Variants in CTR9 observed in about 807,000 individuals in gnomAD.
CTR9 encodes the protein RNA polymerase-associated protein CTR9 homolog.
CTR9 carries 41 observed loss-of-function variants against 152.1 expected under a neutral mutation model. The ratio of observed to expected loss-of-function variants is 0.27; its 90% CI spans 0.21 to 0.35. The LOEUF (loss-of-function observed/expected upper bound fraction) is 0.35, where lower values mean the gene tolerates loss of function less well. Among genes scored for constraint, CTR9 ranks in the 10% least tolerant of loss-of-function variants. CTR9 has a pLI of 1.00. For synonymous variants in CTR9, 476 were observed against 496.2 expected (o/e 0.96, Z 0.54); for missense variants, 917 against 1,424.4 (o/e 0.64, Z 5.73).
rs374641645 is a variant in CTR9 at position 10,775,640 on chromosome 11, T to G, written c.3095+7T>G. The G allele has an allele frequency of 7.0e-6, 11 of 1,566,736 alleles. No individual in the cohort carries two copies. In the African/African-American group the frequency reaches 1.1e-4, roughly 15 times the overall value. ...TTAAAATTGCTGATGAAGGGTAGGATATTTTCTCTTTGTAAATTCTTCTCA... is the reference window on the plus strand; with the variant it reads ...TTAAAATTGCTGATGAAGGGTAGGAGATTTTCTCTTTGTAAATTCTTCTCA... On this transcript the variant is annotated splice_region_variant and intron_variant, in intron 24 of 24. Coordinates refer to ENST00000361367, the MANE Select transcript of CTR9 (RefSeq NM_014633.5).
chr11:10,772,884 A>G (rs1863166636), intron 20 of CTR9, among the ~76,000 whole-genome samples: 1 of 152,146 alleles, frequency 6.6e-6, no homozygotes, highest in South Asian at 2.1e-4. Flanking sequence ...AAAATTAGCC[A>G]GGAGTGGTGG....
intron 12 of CTR9, 75 bp from the exon 13 acceptor site, chr11:10,766,327 C>A: frequency 8.3e-7 from 1 of 1,209,532 alleles, no homozygotes; most frequent in Non-Finnish European, 1.2e-6. Flanking sequence ...AAAATTGTTT[C>A]AAAAGTATGA....
chr11:10,752,017 A>G (rs1862811079), intron 1 of CTR9, among the ~76,000 whole-genome samples: 1 of 152,106 alleles, frequency 6.6e-6, no homozygotes. Flanking sequence ...CCTATGTCTC[A>G]TTCATGGGTG....
chr11:10,776,971 GAAAAAAAAA>G (rs11326865), intron 24 of CTR9, among the ~76,000 whole-genome samples: 3 of 63,236 alleles, frequency 4.7e-5, no homozygotes, highest in African/African-American at 1.7e-4. Context: ...AGACTCTTGT[GAAAAAAAAA>G]AAAAAAAAAA....
At position 10,763,888 on chromosome 11, in the gene CTR9, T is replaced by C. The variant is rs1863016686; in HGVS notation, c.1194+9T>C. The stretch of plus-strand genomic sequence containing the variant: ...AACGAGATATTGCCAAGGTACATCT[T>C]TTTTTTAAAGTCTTAGCTGTTTTCT... On this transcript the variant is annotated intron_variant, in intron 9 of 24. Transcript: ENST00000361367. 6.3e-7 allele frequency: 1 copy of C among 1,582,302 alleles called. No individual in the cohort carries two copies. Among genetic ancestry groups the C allele is most frequent in the South Asian group, 1.2e-5 (1 of 86,772 alleles).
chr11:10,774,362 C>T (rs1351940853), intron 22 of CTR9, 193 bp downstream of exon 22: 7 of 518,010 alleles, frequency 1.4e-5, no homozygotes, highest in Admixed American at 3.1e-5. Flanking sequence ...GATTTCCATA[C>T]GTCTCCACAG....
intron 3 of CTR9, 64 bp downstream of exon 3, chr11:10,755,261 G>A (rs1862866853): frequency 6.6e-7 from 1 of 1,526,698 alleles, no homozygotes; most frequent in African/African-American, 1.4e-5. Flanking sequence ...AGCAAAATGT[G>A]TGTGATAGCA....
intron 12 of CTR9, among the ~76,000 whole-genome samples, 159 bp downstream of exon 12, chr11:10,764,890 G>T (rs1028793656): frequency 6.6e-6 from 1 of 152,104 alleles, no homozygotes; most frequent in African/African-American, 2.4e-5. Context: ...AAACAAAGGT[G>T]CAGCTTTACT....
Position 10,752,778 on chromosome 11 carries a change from T to A in CTR9, c.144+8T>A. The A allele has an allele frequency of 6.2e-7, 1 of 1,602,774 alleles. No individual in the cohort carries two copies. Among genetic ancestry groups the A allele is most frequent in the Middle Eastern group, 1.7e-4 (1 of 6,036 alleles). On this transcript the variant is annotated splice_region_variant and intron_variant, in intron 2 of 24. Transcript: ENST00000361367. ...ATATGGATTGCTTTGGCGGTCAGTATTCATGTAGCAAATATTTTTTATTTG... is the reference window on the plus strand; with the variant it reads ...ATATGGATTGCTTTGGCGGTCAGTAATCATGTAGCAAATATTTTTTATTTG...
intron 7 of CTR9, among the ~76,000 whole-genome samples, chr11:10,762,259 C>T (rs925980711): frequency 2.0e-5 from 3 of 152,114 alleles, no homozygotes; most frequent in African/African-American, 7.2e-5. Flanking sequence ...CCCCTATATA[C>T]TGTACCCAAC....
intron 2 of CTR9, 146 bp from the exon 3 acceptor site, chr11:10,754,812 G>A: frequency 1.3e-6 from 1 of 749,232 alleles, no homozygotes; most frequent in South Asian, 1.9e-5. Flanking sequence ...ATACACCACA[G>A]CTTGTTTATC....
Position 10,760,254 on chromosome 11 carries a change from T to C in CTR9, c.674T>C (p.Leu225Pro), listed in dbSNP as rs1342141632. 1 of 1,614,118 alleles carries C rather than the reference T, an allele frequency of 6.2e-7. No homozygotes were observed. Among genetic ancestry groups the C allele is most frequent in the African/African-American group, 1.3e-5 (1 of 75,050 alleles). Residue 225 changes from leucine to proline, a missense_variant, in exon 6 of 25, where the codon CTG becomes CCG. By Grantham distance (98) the Leu-to-Pro change is moderately conservative. Transcript: ENST00000361367. ...EKARLAFSRALELNSKCVGAL... is the reference protein window; with the variant it reads ...EKARLAFSRAPELNSKCVGAL... Reference sequence around the variant, plus strand: ...GCTCGTCTGGCATTCAGCAGAGCCCTGGAACTCAATTCCAAATGCGTGGGA... The same window carrying C: ...GCTCGTCTGGCATTCAGCAGAGCCCCGGAACTCAATTCCAAATGCGTGGGA...
At chr11:10,752,571 C>A in intron 1 of CTR9, 101 bp from the exon 2 acceptor site, 1 of 784,784 alleles carries the variant, frequency 1.3e-6, no homozygotes, top group Non-Finnish European at 2.2e-6. Flanking sequence ...TGAACACGTA[C>A]TCTATGTATA....
chr11:10,772,381 A>G, intron 19 of CTR9, 139 bp from the exon 20 acceptor site: 1 of 731,962 alleles, frequency 1.4e-6, no homozygotes, highest in East Asian at 3.4e-5. Context: ...GAAAAAAAAC[A>G]TTTTTTTAAA....
rs35766432 is a variant in CTR9, at chr11:10,778,794, G to A, written c.3211G>A (p.Gly1071Ser). ...CCAGAACAAGTCTGGCAGCGAGGCCGGCAGTCCCCGGAGGCCACGAAGACA... is the reference window on the plus strand; with the variant it reads ...CCAGAACAAGTCTGGCAGCGAGGCCAGCAGTCCCCGGAGGCCACGAAGACA... ...ENQNKSGSEA[G>S]SPRRPRRQRS... The change falls in exon 25 of 25, where the codon GGC becomes AGC. Residue 1071 changes from glycine (G) to serine (S), a missense_variant. By Grantham distance (56) the Gly-to-Ser change is moderately conservative. This residue lies in a region of CTR9 where 384 missense variants were observed against 398.4 expected (regional missense o/e 0.96). Coordinates refer to ENST00000361367, the MANE Select transcript of CTR9 (RefSeq NM_014633.5). The A allele has an allele frequency of 9.9e-4, 1,597 of 1,614,168 alleles. 1 individual carries two copies. The highest frequency in any genetic ancestry group is 1.3e-3 in the Non-Finnish European group (1,511 of 1,180,036).
At chr11:10,770,796 A>G (rs934887892) in intron 18 of CTR9, among the ~76,000 whole-genome samples, 164 bp downstream of exon 18, 10 of 152,216 alleles carry the variant, frequency 6.6e-5, no homozygotes, top group Non-Finnish European at 1.2e-4. Flanking sequence ...TCATTCCAGC[A>G]ATAGTTAAGC....
In CTR9 at chr11:10,768,178, A is replaced by G; in HGVS notation, c.1960+17A>G. On this transcript the variant is annotated intron_variant, in intron 15 of 24. Transcript: ENST00000361367. ...ATGGCATAGGTGATTATAAGACTTG[A>G]GTACCCATAACAATTTGTTTCAAAT... 1 of 1,604,928 alleles carries G rather than the reference A, an allele frequency of 6.2e-7. No homozygotes were observed. The highest frequency in any genetic ancestry group is 8.5e-7 in the Non-Finnish European group (1 of 1,172,320).
chr11:10,759,499 C>T (rs1418732793), intron 5 of CTR9, among the ~76,000 whole-genome samples: 4 of 152,160 alleles, frequency 2.6e-5, no homozygotes, highest in East Asian at 3.8e-4. Context: ...ACATAGCAAG[C>T]GTAGCTAGAT....
intron 4 of CTR9, 98 bp from the exon 5 acceptor site, chr11:10,756,651 C>A: frequency 1.4e-6 from 1 of 739,624 alleles, no homozygotes; most frequent in Non-Finnish European, 2.1e-6. Context: ...AAGTATTTCT[C>A]ACTCAGAGAT....
Sources: gnomAD v4.1 joint callset for allele counts (sites outside exome capture counted in the v4.1 genomes callset) on GRCh38, gnomAD v4.1.1 for gene constraint, gnomAD v4.1.1 regional missense constraint, MANE v1.5 for transcripts, NCBI Gene and HGNC (gene_info 2026-07-23, HGNC 2026-07-21) for gene names.